MAF: variants seen among roughly 807,000 people sequenced by gnomAD.
The protein encoded by MAF is MAF bZIP transcription factor.
A neutral mutation model predicts 22.0 loss-of-function variants in MAF; 10 were observed. The ratio of observed to expected loss-of-function variants is 0.45; its 90% CI spans 0.28 to 0.77. MAF has a LOEUF of 0.77. MAF is among the 30% of genes least tolerant of loss of function. MAF has a pLI of 0.12. For synonymous variants in MAF, 337 were observed against 255.8 expected (o/e 1.32, Z -3.03); for missense variants, 544 against 548.4 (o/e 0.99, Z 0.08).
chr16:79,425,339 A>G, the MAF span, among the ~76,000 whole-genome samples: 2 of 151,964 alleles, frequency 1.3e-5, no homozygotes, highest in Admixed American at 6.6e-5. Context: ...GCTTTATGCT[A>G]TCTGGAGTGT....
At chr16:79,428,096 T>TTAA in the MAF span, among the ~76,000 whole-genome samples, 4 of 104,124 alleles carry the variant, frequency 3.8e-5, no homozygotes, top group Non-Finnish European at 5.5e-5. Context: ...CGACTCAAAT[T>TTAA]AAAAAAAAAA....
the MAF span, among the ~76,000 whole-genome samples, chr16:79,208,743 G>A: frequency 1.3e-5 from 2 of 152,068 alleles, no homozygotes; most frequent in Middle Eastern, 3.2e-3. Flanking sequence ...TATGTAGGCC[G>A]AAAAGCTGGT....
chr16:79,468,612 C>T, the MAF span, among the ~76,000 whole-genome samples: 1 of 152,194 alleles, frequency 6.6e-6, no homozygotes, highest in Non-Finnish European at 1.5e-5. Flanking sequence ...TGCTCAGCCC[C>T]AGCTCACCCT....
At chr16:79,567,107 C>G in the MAF span, among the ~76,000 whole-genome samples, 1 of 152,200 alleles carries the variant, frequency 6.6e-6, no homozygotes, top group South Asian at 2.1e-4. Context: ...ATCACAAGGT[C>G]AGGAGTTCGA....
the MAF span, among the ~76,000 whole-genome samples, chr16:79,353,780 G>C: frequency 6.6e-6 from 1 of 152,030 alleles, no homozygotes; most frequent in Non-Finnish European, 1.5e-5. Flanking sequence ...TTAGACGATG[G>C]TCCTCACTCC....
chr16:79,417,556 G>A, the MAF span, among the ~76,000 whole-genome samples: 1 of 152,118 alleles, frequency 6.6e-6, no homozygotes, highest in African/African-American at 2.4e-5. Context: ...ACAGGATCAT[G>A]GGAAAGGGGA....
chr16:79,575,207 G>T, the MAF span, among the ~76,000 whole-genome samples: 4 of 151,982 alleles, frequency 2.6e-5, no homozygotes, highest in Non-Finnish European at 5.9e-5. Flanking sequence ...ATGAATCTCA[G>T]TACAAGTTTC....
the MAF span, among the ~76,000 whole-genome samples, chr16:79,238,656 C>T: frequency 6.6e-6 from 1 of 151,824 alleles, no homozygotes. Flanking sequence ...CAATTTAATT[C>T]GAATTTTAGA....
chr16:79,535,586 C>CTTTTTTTTTTT, the MAF span, among the ~76,000 whole-genome samples: 6 of 130,590 alleles, frequency 4.6e-5, 2 homozygotes, highest in Non-Finnish European at 6.2e-5. Context: ...ATTGCTTCTT[C>CTTTTTTTTTTT]TTTTTTTTTT....
the MAF span, among the ~76,000 whole-genome samples, chr16:79,519,274 G>A: frequency 4.2e-3 from 635 of 152,256 alleles, 7 homozygotes; most frequent in African/African-American, 0.015. Flanking sequence ...AGAGATCTCT[G>A]AAGATAATGG....
the MAF span, among the ~76,000 whole-genome samples, chr16:79,460,010 G>A: frequency 1.3e-5 from 2 of 152,114 alleles, no homozygotes; most frequent in Non-Finnish European, 2.9e-5. Flanking sequence ...CCTTTCACCA[G>A]GTTAACCTCC....
the MAF span, among the ~76,000 whole-genome samples, chr16:79,222,466 G>A: frequency 6.6e-6 from 1 of 151,742 alleles, no homozygotes; most frequent in African/African-American, 2.4e-5. Context: ...CATAATGACA[G>A]GATCAAATTC....
chr16:79,363,721 C>T, the MAF span, among the ~76,000 whole-genome samples: 1 of 152,204 alleles, frequency 6.6e-6, no homozygotes, highest in South Asian at 2.1e-4. Context: ...TTAACTCTGA[C>T]CTCAGTGAAT....
chr16:79,297,663 A>C, the MAF span, among the ~76,000 whole-genome samples: 1 of 152,218 alleles, frequency 6.6e-6, no homozygotes, highest in Non-Finnish European at 1.5e-5. Flanking sequence ...CATAGTGAGC[A>C]CTCAGTAAAC....
At chr16:79,245,221 T>C in the MAF span, among the ~76,000 whole-genome samples, 1 of 151,878 alleles carries the variant, frequency 6.6e-6, no homozygotes, top group Non-Finnish European at 1.5e-5. Context: ...ACAAATGGGA[T>C]CTAATTAAAC....
At chr16:79,561,216 C>T in the MAF span, among the ~76,000 whole-genome samples, 2 of 152,048 alleles carry the variant, frequency 1.3e-5, no homozygotes, top group African/African-American at 4.8e-5. Context: ...TTCTCTTGTT[C>T]ATCTGCCTAT....
At chr16:79,526,193 G>A in the MAF span, among the ~76,000 whole-genome samples, 1 of 152,192 alleles carries the variant, frequency 6.6e-6, no homozygotes, top group Non-Finnish European at 1.5e-5. Flanking sequence ...GGCACCAGGA[G>A]CCGGTTTTGT....
chr16:79,334,190 A>T, the MAF span, among the ~76,000 whole-genome samples: 380 of 152,344 alleles, frequency 2.5e-3, 2 homozygotes, highest in African/African-American at 9.0e-3. Flanking sequence ...AACAGAAGAC[A>T]ACCCAAGTGT....
At chr16:79,527,230 A>T in the MAF span, among the ~76,000 whole-genome samples, 3 of 152,184 alleles carry the variant, frequency 2.0e-5, no homozygotes, top group South Asian at 4.1e-4. Flanking sequence ...ATTGACCACA[A>T]AATATCAGTG....
Sources: allele counts gnomAD v4.1 joint callset (sites outside exome capture counted in the v4.1 genomes callset), GRCh38; gene constraint gnomAD v4.1.1; transcripts MANE v1.5; gene names NCBI Gene and HGNC (gene_info 2026-07-23, HGNC 2026-07-21).